Variants in ZNF516 observed in about 807,000 individuals in gnomAD.
ZNF516 encodes zinc finger protein 516.
In ZNF516, 19 loss-of-function variants were observed where a neutral mutation model predicts 79.7. That is an observed-to-expected ratio of 0.24 (90% CI 0.17 to 0.35). The LOEUF (loss-of-function observed/expected upper bound fraction) is 0.35, where lower values mean the gene tolerates loss of function less well. ZNF516 is among the 10% of genes least tolerant of loss of function. ZNF516 has a pLI of 1.00. For missense variants in ZNF516, 1,678 were observed against 1,679.5 expected (o/e 1.00, Z 0.02); for synonymous variants, 877 against 739.5 (o/e 1.19, Z -3.02).
intron 4 of ZNF516, among the ~76,000 whole-genome samples, chr18:76,373,145 G>C (rs2074733715): frequency 6.6e-6 from 1 of 151,778 alleles, no homozygotes; most frequent in African/African-American, 2.4e-5. Flanking sequence ...GTGAGATTCT[G>C]TCTTGAATGA....
rs760804392 is a variant in ZNF516 at position 76,379,469 on chromosome 18, G to A, written c.2645C>T (p.Pro882Leu). The change falls in exon 4 of 7, where the codon CCT (proline) becomes CTT (leucine). Residue 882 changes from proline (P) to leucine (L), a missense_variant. Pro to Leu is a moderately conservative substitution (Grantham distance 98). Transcript: ENST00000443185. ...GGPCALWAPGPDGYRQTKPCH... is the reference protein window; with the variant it reads ...GGPCALWAPGLDGYRQTKPCH... ...AGGTTTGGTCTGTCGATACCCGTCA[G>A]GGCCGGGCGCCCACAGAGCGCAGGG... is the stretch of plus-strand genomic sequence containing the variant. 29 of 1,613,540 alleles carry A rather than the reference G, an allele frequency of 1.8e-5. No individual in the cohort carries two copies. The highest frequency in any genetic ancestry group is 2.3e-5 in the Non-Finnish European group (27 of 1,179,904).
intron 2 of ZNF516, among the ~76,000 whole-genome samples, chr18:76,457,454 A>T (rs996955677): frequency 1.3e-5 from 2 of 152,252 alleles, no homozygotes; most frequent in Non-Finnish European, 2.9e-5. Context: ...GGCGTCTGTA[A>T]TGCCAGCTCT....
Position 76,371,547 on chromosome 18 carries a change from G to A in ZNF516, c.3284C>T (p.Pro1095Leu). The A allele has an allele frequency of 6.2e-7, 1 of 1,610,738 alleles. No homozygotes were observed. The highest frequency in any genetic ancestry group is 8.5e-7 in the Non-Finnish European group (1 of 1,179,734). The change falls in exon 5 of 7, where the codon CCA (proline) becomes CTA (leucine). Residue 1095 changes from proline to leucine, a missense_variant. Pro to Leu is a moderately conservative substitution (Grantham distance 98). Transcript: ENST00000443185. ...GCACTCGATGCAGACGAACTCTCCT[G>A]GCCGGGCCTGCGTCCGGAGTGTCCC... ...HRGTLRTQAR[P>L]GEFVCIECGK...
chr18:76,438,342 T>A (rs1221654139), intron 3 of ZNF516, among the ~76,000 whole-genome samples: 1 of 152,256 alleles, frequency 6.6e-6, no homozygotes, highest in Non-Finnish European at 1.5e-5. Context: ...GTTTCTAAGC[T>A]CCCTGAGCCT....
intron 6 of ZNF516, among the ~76,000 whole-genome samples, chr18:76,369,453 A>G (rs559124493): frequency 6.6e-6 from 1 of 152,362 alleles, no homozygotes; most frequent in African/African-American, 2.4e-5. Flanking sequence ...ATCCCTCATC[A>G]GGTAATGTCA....
chr18:76,375,778 G>A (rs137941338), intron 4 of ZNF516, among the ~76,000 whole-genome samples: 2,331 of 149,258 alleles, frequency 0.016, 63 homozygotes, highest in African/African-American at 0.054. Flanking sequence ...AGGATGGATG[G>A]GAAGGCCCCA....
At chr18:76,468,251 G>A (rs1384676650) in intron 1 of ZNF516, among the ~76,000 whole-genome samples, 1 of 152,188 alleles carries the variant, frequency 6.6e-6, no homozygotes, top group African/African-American at 2.4e-5. Context: ...ATTTGGAGCA[G>A]CCCCGTGCTC....
chr18:76,490,143 G>C (rs1915079531), intron 1 of ZNF516: 2 of 984,964 alleles, frequency 2.0e-6, no homozygotes. Flanking sequence ...GTCTTACACA[G>C]AATTCAGTTC....
At chr18:76,480,578 A>G (rs1914468793) in intron 1 of ZNF516, among the ~76,000 whole-genome samples, 1 of 150,320 alleles carries the variant, frequency 6.7e-6, no homozygotes, top group Non-Finnish European at 1.5e-5. Flanking sequence ...ACTGGAGTGC[A>G]GTGGTGTGAT....
At position 76,378,844 on chromosome 18, in the gene ZNF516, G is replaced by A. The variant is rs747934404; in HGVS notation, c.3259+11C>T. ...ATGTGGCCTGGGGAAGAGAGGGCCC[G>A]CACATCTTACCTCTGTGCTCCAACC... is the stretch of plus-strand genomic sequence containing the variant. On this transcript the variant is annotated intron_variant, in intron 4 of 6. Transcript: ENST00000443185. 6.0e-5 allele frequency: 96 copies of A among 1,606,792 alleles called. No homozygotes were observed. The highest frequency in any genetic ancestry group is 5.0e-4 in the Middle Eastern group (3 of 6,022).
chr18:76,496,248 G>A (rs1320019506), upstream of ZNF516: 3 of 1,267,492 alleles, frequency 2.4e-6, no homozygotes, highest in Admixed American at 2.4e-5. Flanking sequence ...GCTGCGGCCT[G>A]CGGAGGGGTA....
chr18:76,420,070 T>G (rs951478471), intron 3 of ZNF516, among the ~76,000 whole-genome samples: 1 of 152,228 alleles, frequency 6.6e-6, no homozygotes, highest in African/African-American at 2.4e-5. Flanking sequence ...CAGCCCCAGG[T>G]GCTGAGGTGC....
intron 3 of ZNF516, among the ~76,000 whole-genome samples, chr18:76,417,793 G>A (rs940747592): frequency 6.6e-6 from 1 of 152,084 alleles, no homozygotes; most frequent in Non-Finnish European, 1.5e-5. Context: ...ATAAGTTTCA[G>A]AAAGCCCTAA....
intron 2 of ZNF516, among the ~76,000 whole-genome samples, chr18:76,460,986 T>C (rs1271125213): frequency 6.6e-6 from 1 of 152,138 alleles, no homozygotes; most frequent in Non-Finnish European, 1.5e-5. Context: ...GAGACCAGCC[T>C]GGCCAACACG....
chr18:76,458,802 G>A (rs1445659799), intron 2 of ZNF516, among the ~76,000 whole-genome samples: 12 of 150,488 alleles, frequency 8.0e-5, no homozygotes, highest in African/African-American at 1.5e-4. Flanking sequence ...GTGCGTGTGC[G>A]TGCCTCACCG....
In ZNF516 at chr18:76,442,776, G is replaced by A. The variant is rs765880218; in HGVS notation, c.279C>T (p.His93=). 1.9e-6 allele frequency: 3 copies of A among 1,600,610 alleles called. No individual in the cohort carries two copies. The highest frequency in any genetic ancestry group is 1.7e-5 in the Admixed American group (1 of 57,974). The change falls in exon 3 of 7, where the codon CAC becomes CAT. Residue 93 remains histidine, a synonymous_variant. Transcript: ENST00000443185. Reference sequence around the variant, plus strand: ...GCGGCGCCTCGCCCGCCTCCGGCTCGTGTCCCTGAATCAGAGTCCCCGTGC... The same window carrying A: ...GCGGCGCCTCGCCCGCCTCCGGCTCATGTCCCTGAATCAGAGTCCCCGTGC... ...SHRTGTLIQG[H]EPEAGEAPLG...
rs2074705013 is a variant in ZNF516, at chr18:76,371,515, T to C, written c.3316A>G (p.Ser1106Gly). ...CTGAGGTGGCCGGGCTGGTGGAAGC[T>C]CTTTCCGCACTCGATGCAGACGAAC... ...GEFVCIECGK[S>G]FHQPGHLRAH... The change falls in exon 5 of 7, where the codon AGC (serine) becomes GGC (glycine). Residue 1106 changes from serine to glycine, a missense_variant. By Grantham distance (56) the Ser-to-Gly change is moderately conservative (BLOSUM62 0). Transcript: ENST00000443185. The C allele has an allele frequency of 6.2e-7, 1 of 1,610,460 alleles. No homozygotes were observed. The highest frequency in any genetic ancestry group is 1.7e-5 in the Admixed American group (1 of 59,990).
At chr18:76,443,285 C>A in intron 2 of ZNF516, 74 bp from the exon 3 acceptor site, 1 of 581,974 alleles carries the variant, frequency 1.7e-6, no homozygotes, top group East Asian at 3.2e-5. Flanking sequence ...GGAACCCCCA[C>A]ATGCTCCCCA....
At chr18:76,417,563 A>G (rs2075448285) in intron 3 of ZNF516, among the ~76,000 whole-genome samples, 1 of 152,256 alleles carries the variant, frequency 6.6e-6, no homozygotes. Context: ...GTAATCTTCC[A>G]TAAAAACCTA....
Sources: gnomAD v4.1 joint callset for allele counts (sites outside exome capture counted in the v4.1 genomes callset) on GRCh38, gnomAD v4.1.1 for gene constraint, MANE v1.5 for transcripts, NCBI Gene and HGNC (gene_info 2026-07-23, HGNC 2026-07-21) for gene names.